Variants in CNTNAP2 observed in about 807,000 individuals in gnomAD.
The protein encoded by CNTNAP2 is contactin-associated protein-like 2.
In CNTNAP2, 98 loss-of-function variants were observed where a neutral mutation model predicts 155.2. The observed-to-expected ratio is 0.63, with a 90% CI of 0.54 to 0.75. The LOEUF is 0.75. Ranked by LOEUF, CNTNAP2 falls within the 30% of genes least tolerant of loss-of-function variation. The pLI is 0.00. For synonymous variants in CNTNAP2, 651 were observed against 631.2 expected (o/e 1.03, Z -0.47); for missense variants, 1,727 against 1,688.1 (o/e 1.02, Z -0.40).
chr7:146,986,753 C>T (rs1000654073), intron 3 of CNTNAP2, among the ~76,000 whole-genome samples: 2 of 151,972 alleles, frequency 1.3e-5, no homozygotes, highest in African/African-American at 4.8e-5. Context: ...ATTTGCATTT[C>T]CCTAATTATT....
chr7:146,333,280 C>T lies in CNTNAP2; in HGVS notation c.97+216307C>T, dbSNP rs1052409517. Among the ~76,000 whole-genome samples, 6 of 152,224 alleles carry T rather than the reference C, an allele frequency of 3.9e-5. No individual in the cohort carries two copies. In the East Asian group the frequency reaches 9.7e-4, roughly 25 times the overall value. On this transcript the variant is annotated intron_variant, in intron 1 of 23. Coordinates refer to ENST00000361727, the MANE Select transcript of CNTNAP2 (RefSeq NM_014141.6). The stretch of plus-strand genomic sequence containing the variant: ...CTTGTAGAAGAATAGATTACATCAA[C>T]CTGAAACTGCTTTAAGAGTCAAAAT...
At chr7:146,993,440 G>A (rs1367206475) in intron 3 of CNTNAP2, among the ~76,000 whole-genome samples, 1 of 152,142 alleles carries the variant, frequency 6.6e-6, no homozygotes, top group Non-Finnish European at 1.5e-5. Flanking sequence ...GCTCATGCTT[G>A]AGTCCACTCC....
intron 14 of CNTNAP2, among the ~76,000 whole-genome samples, chr7:147,920,266 G>A (rs1800248581): frequency 7.1e-6 from 1 of 141,328 alleles, no homozygotes; most frequent in African/African-American, 2.6e-5. Context: ...TGAGGCAGGA[G>A]AATCACTTGA....
At chr7:146,843,735 CA>C (rs34758050) in intron 3 of CNTNAP2, among the ~76,000 whole-genome samples, 7 of 151,162 alleles carry the variant, frequency 4.6e-5, no homozygotes, top group Non-Finnish European at 8.9e-5. Context: ...TTACAAATTT[CA>C]AAAAAAAGTA....
At chr7:146,250,803 G>A (rs1214015019) in intron 1 of CNTNAP2, among the ~76,000 whole-genome samples, 7 of 152,134 alleles carry the variant, frequency 4.6e-5, no homozygotes, top group Admixed American at 3.9e-4. Context: ...CTAAAATTAG[G>A]AGTCATTGTA....
chr7:147,192,615 T>A (rs1802703280), intron 8 of CNTNAP2, among the ~76,000 whole-genome samples: 1 of 152,002 alleles, frequency 6.6e-6, no homozygotes, highest in Non-Finnish European at 1.5e-5. Flanking sequence ...ATATTCTATC[T>A]TAAAGAGAAA....
chr7:146,917,054 C>A (rs1796408420), intron 3 of CNTNAP2, among the ~76,000 whole-genome samples: 1 of 152,096 alleles, frequency 6.6e-6, no homozygotes, highest in Non-Finnish European at 1.5e-5. Context: ...TTTTTAATTT[C>A]CTTCTGGATT....
intron 13 of CNTNAP2, among the ~76,000 whole-genome samples, chr7:147,850,219 G>C (rs954948899): frequency 1.2e-4 from 19 of 152,134 alleles, no homozygotes; most frequent in Non-Finnish European, 2.8e-4. Flanking sequence ...GGGATGTGAA[G>C]GACCTCTTCA....
intron 1 of CNTNAP2, among the ~76,000 whole-genome samples, chr7:146,658,242 C>T (rs943169301): frequency 1.1e-4 from 17 of 152,050 alleles, no homozygotes; most frequent in Admixed American, 8.5e-4. Flanking sequence ...CATAGAATGG[C>T]AGCACATTAA....
intron 2 of CNTNAP2, among the ~76,000 whole-genome samples, chr7:146,821,270 TA>T (rs1259100270): frequency 2.0e-5 from 3 of 152,210 alleles, no homozygotes; most frequent in Admixed American, 6.5e-5. Context: ...TGATGGTCTT[TA>T]CATTTTGGCA....
At chr7:146,537,674 A>G (rs1029539647) in intron 1 of CNTNAP2, among the ~76,000 whole-genome samples, 2 of 152,094 alleles carry the variant, frequency 1.3e-5, no homozygotes, top group Non-Finnish European at 2.9e-5. Context: ...AGGACTAAAC[A>G]ACTGAAAAAC....
intron 10 of CNTNAP2, among the ~76,000 whole-genome samples, chr7:147,443,663 A>G (rs545158462): frequency 6.6e-6 from 1 of 152,318 alleles, no homozygotes; most frequent in East Asian, 1.9e-4. Flanking sequence ...TTTAGATTCT[A>G]GCATTCCAGC....
chr7:146,620,285 C>T (rs1799295791), intron 1 of CNTNAP2, among the ~76,000 whole-genome samples: 1 of 152,114 alleles, frequency 6.6e-6, no homozygotes. Context: ...GACATACAAT[C>T]TCATCGTGAC....
chr7:146,236,226 A>G (rs892234280), intron 1 of CNTNAP2, among the ~76,000 whole-genome samples: 1 of 152,140 alleles, frequency 6.6e-6, no homozygotes, highest in Non-Finnish European at 1.5e-5. Flanking sequence ...TATTTTCTCT[A>G]ATACCGCTGT....
intron 11 of CNTNAP2, among the ~76,000 whole-genome samples, chr7:147,518,179 G>C (rs117429794): frequency 4.3e-3 from 654 of 152,150 alleles, no homozygotes; most frequent in Non-Finnish European, 6.9e-3. Flanking sequence ...ATATACCTGC[G>C]GTGTATCATC....
At chr7:148,219,654 A>G (rs1278870509) in intron 19 of CNTNAP2, among the ~76,000 whole-genome samples, 1 of 152,188 alleles carries the variant, frequency 6.6e-6, no homozygotes, top group Non-Finnish European at 1.5e-5. Flanking sequence ...CAACATAGCA[A>G]GACTCCATCT....
intron 9 of CNTNAP2, among the ~76,000 whole-genome samples, chr7:147,304,801 T>A (rs1166480663): frequency 1.3e-5 from 2 of 152,168 alleles, no homozygotes; most frequent in Non-Finnish European, 2.9e-5. Flanking sequence ...GAGAATACTA[T>A]AGGTTGAGTG....
chr7:148,411,617 T>C lies in CNTNAP2; in HGVS notation c.3796+2146T>C, dbSNP rs144492755. On this transcript the variant is annotated intron_variant, in intron 23 of 23. Transcript: ENST00000361727. ...GTTTGTCCTATCTAAAAAGTCTGCC[T>C]ACCCAAAGGTTTTGAAGATTTTCAG... Among the ~76,000 whole-genome samples, 244 of 152,194 alleles carry C rather than the reference T, an allele frequency of 1.6e-3. 1 individual carries two copies. Among genetic ancestry groups the C allele is most frequent in the African/African-American group, 5.4e-3 (223 of 41,544 alleles).
At chr7:148,210,665 T>C (rs796706726) in intron 18 of CNTNAP2, among the ~76,000 whole-genome samples, 11 of 152,332 alleles carry the variant, frequency 7.2e-5, no homozygotes, top group African/African-American at 1.9e-4. Flanking sequence ...GCTTATTACA[T>C]AGAAACTGAC....
Sources: allele counts gnomAD v4.1 joint callset (sites outside exome capture counted in the v4.1 genomes callset), GRCh38; gene constraint gnomAD v4.1.1; transcripts MANE v1.5; gene names NCBI Gene and HGNC (gene_info 2026-07-23, HGNC 2026-07-21).